The following SNX29 variants were observed in gnomAD, a reference collection of about 807,000 sequenced individuals.
The protein encoded by SNX29 is sorting nexin-29.
Under a neutral mutation model 102.1 loss-of-function variants are expected in SNX29, and 78 were observed. The observed-to-expected ratio is 0.76, with a 90% confidence interval of 0.64 to 0.92. SNX29 has a LOEUF of 0.92. Ranked by LOEUF, SNX29 falls within the 40% of genes least tolerant of loss-of-function variation. The probability of loss-of-function intolerance (pLI) is 0.00; values close to 1 mark genes in which losing one functional copy is unlikely to be tolerated. For synonymous variants in SNX29, 580 were observed against 414.5 expected (o/e 1.40, Z -4.85); for missense variants, 1,280 against 1,061.7 (o/e 1.21, Z -2.86).
intron 4 of SNX29, among the ~76,000 whole-genome samples, chr16:12,032,244 A>G (rs1334278104): frequency 7.4e-6 from 1 of 134,436 alleles, no homozygotes; most frequent in Non-Finnish European, 1.5e-5. Flanking sequence ...TCTGTTGCCC[A>G]GTTTGCTGGA....
At chr16:12,235,471 A>AT (rs201534818) in intron 14 of SNX29, among the ~76,000 whole-genome samples, 126 of 151,750 alleles carry the variant, frequency 8.3e-4, no homozygotes, top group Middle Eastern at 3.4e-3. Flanking sequence ...GTACAGACAG[A>AT]TTTTTTTTTG....
intron 15 of SNX29, among the ~76,000 whole-genome samples, chr16:12,343,630 G>A (rs1415915909): frequency 1.3e-5 from 2 of 152,104 alleles, no homozygotes; most frequent in South Asian, 2.1e-4. Flanking sequence ...CCCAGGGACC[G>A]TAGTCTTCCT....
chr16:12,380,796 C>T (rs1298353041), intron 16 of SNX29, among the ~76,000 whole-genome samples: 1 of 100,736 alleles, frequency 9.9e-6, no homozygotes, highest in Non-Finnish European at 2.3e-5. Context: ...CATCCACCCA[C>T]ACACCATCCA....
intron 13 of SNX29, among the ~76,000 whole-genome samples, chr16:12,177,298 T>C (rs573704431): frequency 2.0e-4 from 30 of 152,312 alleles, no homozygotes; most frequent in Admixed American, 1.8e-3. Context: ...TGTGTCTAGC[T>C]GCTTTCCTAC....
At chr16:12,394,704 C>T (rs1260214416) in intron 16 of SNX29, among the ~76,000 whole-genome samples, 1 of 152,158 alleles carries the variant, frequency 6.6e-6, no homozygotes, top group Non-Finnish European at 1.5e-5. Context: ...GCTTCTCCAC[C>T]TGGAGAAAGC....
intron 15 of SNX29, among the ~76,000 whole-genome samples, chr16:12,349,709 G>A (rs928340232): frequency 1.3e-5 from 2 of 152,170 alleles, no homozygotes; most frequent in African/African-American, 2.4e-5. Flanking sequence ...GGCGTTGATA[G>A]CATTGGTTTT....
At chr16:12,061,801 G>A (rs1472534497) in intron 9 of SNX29, among the ~76,000 whole-genome samples, 155 bp downstream of exon 9, 2 of 152,194 alleles carry the variant, frequency 1.3e-5, no homozygotes, top group African/African-American at 4.8e-5. Context: ...CTGAGATGCA[G>A]AAGTGAGAGA....
At chr16:12,172,929 C>T (rs1008338425) in intron 13 of SNX29, among the ~76,000 whole-genome samples, 3 of 152,140 alleles carry the variant, frequency 2.0e-5, no homozygotes, top group African/African-American at 7.2e-5. Flanking sequence ...AGTGTGAAAG[C>T]AGTGTTGAAG....
chr16:12,150,649 A>G (rs2055259296), intron 13 of SNX29, among the ~76,000 whole-genome samples: 1 of 152,210 alleles, frequency 6.6e-6, no homozygotes, highest in Non-Finnish European at 1.5e-5. Flanking sequence ...CAGTGATCAC[A>G]TCTTGAGATA....
At chr16:12,549,296 A>G (rs185490643) in intron 20 of SNX29, among the ~76,000 whole-genome samples, 1 of 152,056 alleles carries the variant, frequency 6.6e-6, no homozygotes, top group Non-Finnish European at 1.5e-5. Flanking sequence ...GAAGTTGGAA[A>G]CCAGCCTGGT....
At chr16:12,447,576 T>A (rs1245956390) in intron 18 of SNX29, among the ~76,000 whole-genome samples, 1 of 152,216 alleles carries the variant, frequency 6.6e-6, no homozygotes, top group African/African-American at 2.4e-5. Flanking sequence ...AGCAGCCTGT[T>A]CTCCTAGGTC....
intron 1 of SNX29, among the ~76,000 whole-genome samples, chr16:11,993,007 CA>C (rs565784774): frequency 6.6e-6 from 1 of 151,308 alleles, no homozygotes. Flanking sequence ...ACTAAAAATA[CA>C]AAAAAAATTA....
At chr16:12,057,940 C>T (rs350214) in intron 8 of SNX29, among the ~76,000 whole-genome samples, 105,875 of 151,440 alleles carry the variant, frequency 0.7, 37,743 homozygotes, top group African/African-American at 0.8. Context: ...GCCTCAGCCT[C>T]CCAAGTAGCT....
intron 10 of SNX29, among the ~76,000 whole-genome samples, chr16:12,075,524 G>C (rs1236511759): frequency 6.6e-6 from 1 of 152,194 alleles, no homozygotes; most frequent in Non-Finnish European, 1.5e-5. Context: ...TCCTCTGGAA[G>C]TTTTGTCTCA....
At chr16:12,023,806 C>T (rs1414535432) in intron 3 of SNX29, among the ~76,000 whole-genome samples, 2 of 152,116 alleles carry the variant, frequency 1.3e-5, no homozygotes, top group African/African-American at 4.8e-5. Context: ...GATTCCTGTG[C>T]TTGGACAGGT....
intron 13 of SNX29, among the ~76,000 whole-genome samples, chr16:12,158,959 C>G (rs138899289): frequency 6.6e-6 from 1 of 152,318 alleles, no homozygotes; most frequent in East Asian, 1.9e-4. Flanking sequence ...ATCATTTCTC[C>G]AATCATGGAG....
chr16:12,394,829 G>A (rs1451885943), intron 16 of SNX29, among the ~76,000 whole-genome samples: 3 of 152,182 alleles, frequency 2.0e-5, no homozygotes, highest in Non-Finnish European at 2.9e-5. Context: ...GATCTCTCTT[G>A]TCCTTGCCCA....
intron 15 of SNX29, among the ~76,000 whole-genome samples, chr16:12,324,512 G>A (rs989178630): frequency 1.3e-5 from 2 of 151,966 alleles, no homozygotes; most frequent in African/African-American, 4.8e-5. Flanking sequence ...GGGCTCAGGC[G>A]ATCCTCTGCC....
chr16:12,546,046 G>C (rs767992126), intron 20 of SNX29, among the ~76,000 whole-genome samples: 3 of 152,202 alleles, frequency 2.0e-5, no homozygotes, highest in Admixed American at 6.5e-5. Context: ...GAGTACACAT[G>C]ATGGGAGTGA....
Sources: allele counts gnomAD v4.1 joint callset (sites outside exome capture counted in the v4.1 genomes callset), GRCh38; gene constraint gnomAD v4.1.1; transcripts MANE v1.5; gene names NCBI Gene and HGNC (gene_info 2026-07-23, HGNC 2026-07-21).